The following EMP2 variants were observed in gnomAD, a reference collection of about 807,000 sequenced individuals.
EMP2 encodes epithelial membrane protein 2.
In EMP2, 19 loss-of-function variants were observed where a neutral mutation model predicts 13.7. That is an observed-to-expected ratio of 1.38 (90% CI 0.97 to 2.03). The LOEUF is 2.03. Among genes scored for constraint, EMP2 ranks in the 30% most tolerant of loss-of-function variants. The probability of loss-of-function intolerance (pLI) is 0.00; values close to 1 mark genes in which losing one functional copy is unlikely to be tolerated. For synonymous variants in EMP2, 97 were observed against 84.7 expected (o/e 1.15, Z -0.80); for missense variants, 253 against 220.7 (o/e 1.15, Z -0.93).
chr16:10,535,875 A>G (rs558805985), intron 4 of EMP2, among the ~76,000 whole-genome samples: 4 of 152,268 alleles, frequency 2.6e-5, no homozygotes, highest in African/African-American at 9.6e-5. Flanking sequence ...TTCTCCCTTT[A>G]GGCCTCATTT....
rs2050593516 is a variant in EMP2 at position 10,530,802 on chromosome 16, CCA to C, written c.*2101_*2102del. 6.6e-6 allele frequency: 1 copy of C among 152,224 alleles called. No homozygotes were observed. The highest frequency in any genetic ancestry group is 1.5e-5 in the Non-Finnish European group (1 of 68,078). The allele number at this position is 152,224 out of a possible 1,614,324, so 9.4% of individuals were successfully genotyped here. A position where few individuals can be genotyped will look rare whatever the true frequency, so the allele number is the denominator to read the frequency against. ...TTTACTGTCGGGACCATGGGCCCCT[CCA>C]CAGACATGTTTTCTGGGTGTTACAC... On this transcript the variant is annotated 3_prime_UTR_variant, in exon 5 of 5. Coordinates refer to ENST00000359543, the MANE Select transcript of EMP2 (RefSeq NM_001424.6).
chr16:10,562,378 CTCTA>C (rs1555460306), intron 1 of EMP2, among the ~76,000 whole-genome samples: 1,511 of 135,134 alleles, frequency 0.011, 6 homozygotes, highest in Non-Finnish European at 0.016. Flanking sequence ...CTCTCTCTCT[CTCTA>C]TCTATCTCTC....
intron 1 of EMP2, among the ~76,000 whole-genome samples, chr16:10,579,740 C>T (rs866140789): frequency 9.5e-6 from 1 of 105,524 alleles, no homozygotes; most frequent in Non-Finnish European, 2.0e-5. Context: ...ACACACACAC[C>T]CTCAAAGCTT....
chr16:10,543,355 T>A (rs1034613707), intron 3 of EMP2, among the ~76,000 whole-genome samples: 9 of 152,084 alleles, frequency 5.9e-5, no homozygotes, highest in Non-Finnish European at 1.2e-4. Context: ...TTAGCTGGAG[T>A]TGGTCTCCCT....
intron 1 of EMP2, among the ~76,000 whole-genome samples, chr16:10,548,101 G>A (rs7206559): frequency 2.5e-4 from 38 of 152,246 alleles, no homozygotes; most frequent in Non-Finnish European, 3.1e-4. Context: ...ATCTTTACTC[G>A]CCTGGAGACT....
intron 3 of EMP2, among the ~76,000 whole-genome samples, chr16:10,539,336 T>C (rs946646718): frequency 1.3e-5 from 2 of 152,222 alleles, no homozygotes; most frequent in Non-Finnish European, 2.9e-5. Context: ...ATGAAACGTC[T>C]AGAGCTGTGG....
At chr16:10,566,836 C>T (rs1596380946) in intron 1 of EMP2, among the ~76,000 whole-genome samples, 1 of 152,256 alleles carries the variant, frequency 6.6e-6, no homozygotes, top group Non-Finnish European at 1.5e-5. Context: ...CACAAGGTGG[C>T]GGCCCTCACA....
At chr16:10,559,600 T>A (rs538633500) in intron 1 of EMP2, among the ~76,000 whole-genome samples, 1 of 152,378 alleles carries the variant, frequency 6.6e-6, no homozygotes, top group South Asian at 2.1e-4. Context: ...TCCCAGGCAC[T>A]GTTCCAAGCC....
chr16:10,566,002 G>A (rs906044851), intron 1 of EMP2, among the ~76,000 whole-genome samples: 5 of 152,254 alleles, frequency 3.3e-5, no homozygotes, highest in Middle Eastern at 6.8e-3. Context: ...CAGCTGAAAG[G>A]CGCTGGTGTG....
chr16:10,569,556 G>A (rs1180776510), intron 1 of EMP2, among the ~76,000 whole-genome samples: 1 of 152,120 alleles, frequency 6.6e-6, no homozygotes, highest in Non-Finnish European at 1.5e-5. Context: ...CTGGGCTCAA[G>A]TGATCCTCTC....
intron 1 of EMP2, among the ~76,000 whole-genome samples, chr16:10,556,033 T>G (rs1450835587): frequency 1.3e-5 from 2 of 152,230 alleles, no homozygotes; most frequent in African/African-American, 2.4e-5. Context: ...CACCATCATT[T>G]GCACCCCATC....
chr16:10,544,752 G>C (rs1193010943), intron 2 of EMP2: 1 of 152,448 alleles, frequency 6.6e-6, no homozygotes. Context: ...AGGCATGGTG[G>C]TGTGTGACTG....
At chr16:10,575,237 C>T (rs868395865) in intron 1 of EMP2, among the ~76,000 whole-genome samples, 63 of 52,480 alleles carry the variant, frequency 1.2e-3, no homozygotes, top group South Asian at 4.3e-3. Flanking sequence ...AGCTTGCATT[C>T]TTTTTTTTTT....
chr16:10,552,579 G>A lies in EMP2; in HGVS notation c.-60-4902C>T, dbSNP rs149563426. ...GAGAAAACAGATCTTTGGTTAAAAT[G>A]TATTTGTAGCTAGAATTTAATAGCA... is the stretch of plus-strand genomic sequence containing the variant. On this transcript the variant is annotated intron_variant, in intron 1 of 4. Transcript: ENST00000359543. 2.6e-4 allele frequency among the ~76,000 whole-genome samples: 39 copies of A among 152,284 alleles called. No homozygotes were observed. In the East Asian group the frequency reaches 6.2e-3, roughly 24 times the overall value.
intron 4 of EMP2, among the ~76,000 whole-genome samples, 171 bp downstream of exon 4, chr16:10,537,757 C>T (rs1309625754): frequency 3.0e-5 from 4 of 133,272 alleles, no homozygotes; most frequent in Non-Finnish European, 6.1e-5. Context: ...AGCATGCATG[C>T]GCCCACACAC....
intron 1 of EMP2, among the ~76,000 whole-genome samples, chr16:10,566,667 A>T (rs925529488): frequency 6.6e-6 from 1 of 152,182 alleles, no homozygotes; most frequent in Non-Finnish European, 1.5e-5. Context: ...GTGGTCTCCA[A>T]CCACGAAGTC....
At chr16:10,548,284 T>G (rs2050755432) in intron 1 of EMP2, among the ~76,000 whole-genome samples, 1 of 152,056 alleles carries the variant, frequency 6.6e-6, no homozygotes, top group African/African-American at 2.4e-5. Context: ...TGTTCCTGAT[T>G]CCCCATGCTC....
At chr16:10,538,867 G>A (rs184129709) in intron 3 of EMP2, among the ~76,000 whole-genome samples, 22 of 152,292 alleles carry the variant, frequency 1.4e-4, no homozygotes, top group Admixed American at 3.9e-4. Context: ...CCAGGCTGGA[G>A]TGTAGTGGCA....
chr16:10,561,980 A>T (rs1465430577), intron 1 of EMP2, among the ~76,000 whole-genome samples: 1 of 152,212 alleles, frequency 6.6e-6, no homozygotes, highest in Non-Finnish European at 1.5e-5. Flanking sequence ...TCATGGGTGA[A>T]TTCTGCCAAA....
Sources: allele counts gnomAD v4.1 joint callset (sites outside exome capture counted in the v4.1 genomes callset), GRCh38; gene constraint gnomAD v4.1.1; transcripts MANE v1.5; gene names NCBI Gene and HGNC (gene_info 2026-07-23, HGNC 2026-07-21).